TNRC6C: variants seen among roughly 807,000 people sequenced by gnomAD.
TNRC6C encodes the protein trinucleotide repeat containing adaptor 6C, also known as trinucleotide repeat-containing gene 6C protein.
TNRC6C carries 20 observed loss-of-function variants against 153.7 expected under a neutral mutation model. The ratio of observed to expected loss-of-function variants is 0.13; its 90% CI spans 0.09 to 0.19. TNRC6C has a LOEUF of 0.19. Among genes scored for constraint, TNRC6C ranks in the 10% least tolerant of loss-of-function variants. TNRC6C has a pLI of 1.00. For synonymous variants in TNRC6C, 811 were observed against 841.4 expected (o/e 0.96, Z 0.63); for missense variants, 1,987 against 2,172.0 (o/e 0.91, Z 1.69).
chr17:78,004,797 A>G (rs1186705130), upstream of TNRC6C, among the ~76,000 whole-genome samples: 1 of 152,164 alleles, frequency 6.6e-6, no homozygotes, highest in Non-Finnish European at 1.5e-5. Flanking sequence ...TAAACAGTAT[A>G]CCTATTAGAG....
At chr17:78,084,867 G>A (rs185900075) in intron 11 of TNRC6C, among the ~76,000 whole-genome samples, 1 of 152,054 alleles carries the variant, frequency 6.6e-6, no homozygotes. Flanking sequence ...CCTTACCTCA[G>A]GTGATCCTCC....
At chr17:78,066,394 C>T (rs2072880078) in intron 4 of TNRC6C, 1 of 151,672 alleles carries the variant, frequency 6.6e-6, no homozygotes, top group Admixed American at 6.6e-5. Flanking sequence ...ATAGTATGTT[C>T]CATATAGCCA....
At chr17:77,987,394 G>A (rs1352279923) in intron 1 of TNRC6C, among the ~76,000 whole-genome samples, 1 of 152,182 alleles carries the variant, frequency 6.6e-6, no homozygotes, top group Non-Finnish European at 1.5e-5. Flanking sequence ...TAAAACTACA[G>A]ATTATTAAAA....
At chr17:78,059,466 G>T in intron 3 of TNRC6C, among the ~76,000 whole-genome samples, 1 of 152,110 alleles carries the variant, frequency 6.6e-6, no homozygotes, top group East Asian at 1.9e-4. Context: ...GTGCAAGTCC[G>T]TGGCGTGAGA....
At position 78,080,169 on chromosome 17, in the gene TNRC6C, G is replaced by A. The variant is rs59126917; in HGVS notation, c.3357+628G>A. ...AGATTGTTAAGAAAAAAATGTTGCCGGGCGCGGCGGCTCACGCCTGTAATC... is the reference window on the plus strand; with the variant it reads ...AGATTGTTAAGAAAAAAATGTTGCCAGGCGCGGCGGCTCACGCCTGTAATC... On this transcript the variant is annotated intron_variant, in intron 10 of 19. Coordinates refer to ENST00000301624, the Ensembl canonical transcript of TNRC6C. Among the ~76,000 whole-genome samples, 1,215 of 152,202 alleles carry A rather than the reference G, an allele frequency of 8.0e-3. 20 individuals carry two copies. The highest frequency in any genetic ancestry group is 0.027 in the African/African-American group (1,116 of 41,514).
intron 3 of TNRC6C, among the ~76,000 whole-genome samples, chr17:78,059,279 AAG>A (rs2072718201): frequency 1.3e-5 from 2 of 152,202 alleles, no homozygotes; most frequent in Non-Finnish European, 2.9e-5. Flanking sequence ...TAGTTACTAA[AAG>A]AGAAATTATC....
intron 1 of TNRC6C, 75 bp from the exon 4 acceptor site, chr17:78,031,441 G>T (rs2072072187): frequency 8.9e-7 from 1 of 1,123,034 alleles, no homozygotes; most frequent in African/African-American, 1.6e-5. Flanking sequence ...TTTGGTTATG[G>T]TTTCCTTGGT....
rs759356131 is a variant in TNRC6C, at chr17:78,067,940, T to C, written c.2778+17T>C. On this transcript the variant is annotated intron_variant, in intron 5 of 19. Transcript: ENST00000301624. ...CTTCAAAAGGTAAGTACAACACTCT[T>C]AACGACGGTACACCCTGAAAACCAA... The C allele has an allele frequency of 1.4e-5, 23 of 1,594,254 alleles. No individual in the cohort carries two copies. The South Asian group carries it at 2.3e-4, about 16-fold the overall frequency.
chr17:78,050,743 G>A, exon 3 of TNRC6C: 1 of 1,591,790 alleles, frequency 6.3e-7, no homozygotes, highest in South Asian at 1.2e-5. Context: ...TTGGAGTGGG[G>A]CCGCAAATCA....
intron 3 of TNRC6C, among the ~76,000 whole-genome samples, chr17:78,054,451 A>G (rs922108628): frequency 1.3e-5 from 2 of 151,992 alleles, no homozygotes; most frequent in Non-Finnish European, 2.9e-5. Context: ...ACTGCAGACT[A>G]CTGTATACTA....
At chr17:78,051,354 CACCACT>C in exon 3 of TNRC6C, 1 of 1,551,498 alleles carries the variant, frequency 6.4e-7, no homozygotes, top group Non-Finnish European at 8.7e-7. Context: ...CCACCACCAC[CACCACT>C]ACCACGAGCA....
intron 1 of TNRC6C, among the ~76,000 whole-genome samples, chr17:77,979,217 G>A (rs1191537704): frequency 6.6e-6 from 1 of 152,182 alleles, no homozygotes; most frequent in Non-Finnish European, 1.5e-5. Flanking sequence ...GGTGACAATA[G>A]TTTACAATAA....
At chr17:77,969,490 T>G (rs542580991) in intron 1 of TNRC6C, among the ~76,000 whole-genome samples, 1 of 152,156 alleles carries the variant, frequency 6.6e-6, no homozygotes, top group South Asian at 2.1e-4. Flanking sequence ...TCTCAGGTGA[T>G]CCACCTGCCT....
intron 3 of TNRC6C, among the ~76,000 whole-genome samples, chr17:78,063,397 G>A (rs2072808843): frequency 6.6e-6 from 1 of 151,836 alleles, no homozygotes; most frequent in Non-Finnish European, 1.5e-5. Flanking sequence ...GAGGAGGAAG[G>A]GGAGGGCTTG....
chr17:78,096,600 T>C (rs1418763696), intron 16 of TNRC6C, among the ~76,000 whole-genome samples: 1 of 152,192 alleles, frequency 6.6e-6, no homozygotes, highest in Non-Finnish European at 1.5e-5. Context: ...CACAACGCCA[T>C]GTGGGCCTAC....
intron 1 of TNRC6C, among the ~76,000 whole-genome samples, chr17:77,988,953 G>A (rs551094221): frequency 6.6e-6 from 1 of 152,300 alleles, no homozygotes; most frequent in Admixed American, 6.5e-5. Context: ...ACATCATGTG[G>A]CACATATAGT....
At chr17:78,099,236 A>T (rs1386346648) in intron 17 of TNRC6C, among the ~76,000 whole-genome samples, 1 of 152,206 alleles carries the variant, frequency 6.6e-6, no homozygotes, top group African/African-American at 2.4e-5. Context: ...CAAGCCCAGG[A>T]GATTGAGGCT....
intron 1 of TNRC6C, among the ~76,000 whole-genome samples, chr17:77,980,921 G>A (rs901912944): frequency 5.9e-5 from 9 of 152,278 alleles, no homozygotes; most frequent in African/African-American, 1.9e-4. Flanking sequence ...ATTTGCTCGG[G>A]CATTTGGAAG....
exon 20 of TNRC6C, chr17:78,105,060 T>C (rs373442015): frequency 6.7e-6 from 3 of 449,452 alleles, no homozygotes; most frequent in East Asian, 3.6e-5. Flanking sequence ...AGGATGTTCC[T>C]CGTAGCTTTT....
Sources: gnomAD v4.1 joint callset for allele counts (sites outside exome capture counted in the v4.1 genomes callset) on GRCh38, gnomAD v4.1.1 for gene constraint, MANE v1.5 for transcripts, NCBI Gene and HGNC (gene_info 2026-07-23, HGNC 2026-07-21) for gene names.